KDM6A: variants seen among roughly 807,000 people sequenced by gnomAD.
The protein encoded by KDM6A is lysine-specific demethylase 6A.
Under a neutral mutation model 117.6 loss-of-function variants are expected in KDM6A, and 11 were observed. That is an observed-to-expected ratio of 0.09 (90% CI 0.06 to 0.15). The LOEUF is 0.15. KDM6A is among the 10% of genes least tolerant of loss of function. KDM6A has a pLI of 1.00. For synonymous variants in KDM6A, 384 were observed against 396.1 expected, an observed-to-expected ratio of 0.97 and a Z score of 0.36; for missense variants, 799 against 1,077.3, an observed-to-expected ratio of 0.74 and a Z score of 3.62.
At chrX:45,014,259 TC>T (rs1242887000) in intron 5 of KDM6A, among the ~76,000 whole-genome samples, 1 of 112,162 alleles carries the variant, frequency 8.9e-6, no homozygotes, top group Non-Finnish European at 1.9e-5. Flanking sequence ...CCTATTGTCA[TC>T]TTATGCTACC....
chrX:44,979,509 T>C (rs1321696345), intron 4 of KDM6A, among the ~76,000 whole-genome samples: 1 of 111,572 alleles, frequency 9.0e-6, no homozygotes, highest in Non-Finnish European at 1.9e-5. Context: ...ATACTTGTTT[T>C]GGAATTATTA....
chrX:44,931,087 T>C (rs1177357223), intron 2 of KDM6A, among the ~76,000 whole-genome samples: 5 of 111,004 alleles, frequency 4.5e-5, no homozygotes, highest in Non-Finnish European at 9.4e-5. Flanking sequence ...TTTTTCTTTT[T>C]TTGGAGACAG....
intron 2 of KDM6A, among the ~76,000 whole-genome samples, chrX:44,881,903 G>A (rs889311916): frequency 9.1e-6 from 1 of 110,201 alleles, no homozygotes; most frequent in African/African-American, 3.3e-5. Context: ...CGCCAGGCTG[G>A]TCTCCAACTC....
At chrX:45,040,731 C>CA (rs1322248277) in intron 8 of KDM6A, among the ~76,000 whole-genome samples, 3 of 66,528 alleles carry the variant, frequency 4.5e-5, no homozygotes, top group African/African-American at 1.2e-4. Context: ...GGCTGACCCC[C>CA]CCACCTCCCT....
chrX:44,982,220 A>G (rs774946526), intron 4 of KDM6A, among the ~76,000 whole-genome samples: 16 of 112,142 alleles, frequency 1.4e-4, no homozygotes, highest in Middle Eastern at 4.6e-3. Flanking sequence ...ACAGTGTTTC[A>G]GTTTGAAAAA....
chrX:45,016,656 C>T (rs1387906903), intron 5 of KDM6A, among the ~76,000 whole-genome samples: 1 of 110,615 alleles, frequency 9.0e-6, no homozygotes, highest in Non-Finnish European at 1.9e-5. Context: ...CGTGCCACCA[C>T]GCCCAGCTAA....
At chrX:44,974,640 A>G (rs1053515110) in intron 3 of KDM6A, 26 bp from the exon 4 acceptor site, 2 of 1,073,612 alleles carry the variant, frequency 1.9e-6, no homozygotes, top group Non-Finnish European at 2.6e-6. Flanking sequence ...AGACATAATT[A>G]TGACTCATAA....
chrX:44,933,421 G>A (rs1318909092), intron 2 of KDM6A, among the ~76,000 whole-genome samples: 2 of 103,384 alleles, frequency 1.9e-5, no homozygotes, highest in African/African-American at 3.6e-5. Flanking sequence ...ACAGGCGCCT[G>A]CCACCACGCC....
intron 2 of KDM6A, among the ~76,000 whole-genome samples, chrX:44,925,870 T>A (rs968840799): frequency 8.9e-6 from 1 of 111,938 alleles, no homozygotes; most frequent in Admixed American, 9.5e-5. Flanking sequence ...ATGGACCACA[T>A]GTATTTAGGA....
At chrX:44,913,339 C>G (rs1207292799) in intron 2 of KDM6A, among the ~76,000 whole-genome samples, 1 of 85,661 alleles carries the variant, frequency 1.2e-5, no homozygotes, top group African/African-American at 4.7e-5. Flanking sequence ...CTGTTTGTTG[C>G]CCAGGCTGGA....
chrX:45,070,468 C>A, intron 18 of KDM6A, 111 bp downstream of exon 18: 1 of 677,062 alleles, frequency 1.5e-6, no homozygotes, highest in Non-Finnish European at 2.3e-6. Context: ...ATGGTGTAGT[C>A]ATTCATCTAA....
In KDM6A at chrX:44,988,813, G is replaced by A. The variant is rs139944660; in HGVS notation, c.384+14098G>A. On this transcript the variant is annotated intron_variant, in intron 4 of 29. Coordinates refer to ENST00000611820, the MANE Select transcript of KDM6A (RefSeq NM_001291415.2). ...ACCCGGTCATGTGAGGTGTCAGTCT[G>A]CCCCTACTGGGTGGTGCCTCCCAGT... Among the ~76,000 whole-genome samples the A allele has an allele frequency of 1.7e-3, 191 of 110,879 alleles. 3 individuals are homozygous for A. The highest frequency in any genetic ancestry group is 6.0e-3 in the African/African-American group (183 of 30,496).
chrX:45,067,814 G>A (rs749430148), intron 17 of KDM6A, among the ~76,000 whole-genome samples: 3 of 109,172 alleles, frequency 2.7e-5, no homozygotes, highest in Non-Finnish European at 5.7e-5. Context: ...CACCATGCCC[G>A]GCTAATTTTT....
At chrX:44,948,223 A>G (rs2037777198) in intron 2 of KDM6A, among the ~76,000 whole-genome samples, 1 of 111,815 alleles carries the variant, frequency 8.9e-6, no homozygotes, top group South Asian at 3.7e-4. Flanking sequence ...GTACATATAC[A>G]AGGGCTCTGT....
intron 2 of KDM6A, among the ~76,000 whole-genome samples, chrX:44,950,616 A>G (rs761495833): frequency 3.0e-4 from 33 of 110,284 alleles, no homozygotes; most frequent in Non-Finnish European, 4.5e-4. Flanking sequence ...GTGTGTGTGA[A>G]TATAGAATCC....
chrX:44,907,445 TTGTGTG>T (rs71867476), intron 2 of KDM6A, among the ~76,000 whole-genome samples: 5 of 93,501 alleles, frequency 5.3e-5, no homozygotes, highest in Non-Finnish European at 6.2e-5. Flanking sequence ...GCCCGGCTAA[TTGTGTG>T]TGTGTGTGTG....
intron 2 of KDM6A, among the ~76,000 whole-genome samples, chrX:44,897,138 C>CTTTTTTT (rs752521695): frequency 4.1e-5 from 3 of 72,982 alleles, no homozygotes; most frequent in Non-Finnish European, 5.6e-5. Context: ...AGGCTTTGTT[C>CTTTTTTT]TTTTTTTTTT....
intron 4 of KDM6A, among the ~76,000 whole-genome samples, chrX:44,985,781 C>CT (rs2040186647): frequency 9.0e-6 from 1 of 111,695 alleles, no homozygotes; most frequent in Non-Finnish European, 1.9e-5. Flanking sequence ...GGTGGATAAG[C>CT]TTTTTGATGT....
At chrX:44,877,779 TTAG>T (rs2031833215) in intron 2 of KDM6A, among the ~76,000 whole-genome samples, 1 of 111,119 alleles carries the variant, frequency 9.0e-6, no homozygotes, top group Non-Finnish European at 1.9e-5. Flanking sequence ...GGTAATTCTA[TTAG>T]TAGAAAGATT....
Sources: allele counts gnomAD v4.1 joint callset (sites outside exome capture counted in the v4.1 genomes callset), GRCh38; gene constraint gnomAD v4.1.1; transcripts MANE v1.5; gene names NCBI Gene and HGNC (gene_info 2026-07-23, HGNC 2026-07-21).